Variants in PTPRT observed in about 807,000 individuals in gnomAD.
PTPRT encodes protein tyrosine phosphatase receptor type T.
In PTPRT, 56 loss-of-function variants were observed where a neutral mutation model predicts 176.8. That is an observed-to-expected ratio of 0.32 (90% confidence interval 0.26 to 0.40). The LOEUF is 0.40. PTPRT is among the 10% of genes least tolerant of loss of function. The pLI is 1.00. For missense variants in PTPRT, 1,540 were observed against 1,908.2 expected, an observed-to-expected ratio of 0.81 and a Z score of 3.60; for synonymous variants, 783 against 739.0, an observed-to-expected ratio of 1.06 and a Z score of -0.96.
chr20:42,166,646 C>T (rs1299392283), intron 16 of PTPRT, among the ~76,000 whole-genome samples: 7 of 152,194 alleles, frequency 4.6e-5, no homozygotes, highest in East Asian at 1.9e-4. Flanking sequence ...GGGCCAGGTG[C>T]GGTGGTTCAT....
intron 7 of PTPRT, among the ~76,000 whole-genome samples, chr20:42,654,329 AC>A (rs2075085373): frequency 6.6e-6 from 1 of 151,206 alleles, no homozygotes; most frequent in South Asian, 2.1e-4. Context: ...GATGAAGAAA[AC>A]AAAAAACAAA....
rs553159046 is a variant in PTPRT at position 42,095,791 on chromosome 20, C to T, written c.3846+2630G>A. 4.8e-4 allele frequency among the ~76,000 whole-genome samples: 73 copies of T among 152,298 alleles called. 1 individual carries two copies. In the Middle Eastern group the frequency reaches 0.017, roughly 35 times the overall value. On this transcript the variant is annotated intron_variant, in intron 27 of 30. Coordinates refer to ENST00000373187, the MANE Select transcript of PTPRT (RefSeq NM_007050.6). ...GCTTTGTCTGTGTTGCTCAGTGATGCATTCCAAGCACCTAGAATAGCTTCC... is the reference window on the plus strand; with the variant it reads ...GCTTTGTCTGTGTTGCTCAGTGATGTATTCCAAGCACCTAGAATAGCTTCC...
intron 10 of PTPRT, among the ~76,000 whole-genome samples, chr20:42,351,292 C>T (rs2058280086): frequency 2.0e-5 from 3 of 152,104 alleles, no homozygotes; most frequent in Admixed American, 6.5e-5. Context: ...ATAATCCAAA[C>T]CAATGAATTA....
At chr20:43,115,168 G>T (rs576030360) in intron 1 of PTPRT, among the ~76,000 whole-genome samples, 13 of 152,210 alleles carry the variant, frequency 8.5e-5, no homozygotes, top group African/African-American at 3.1e-4. Flanking sequence ...CTCTGAGAAG[G>T]ACATGGCCTC....
chr20:42,301,946 G>A (rs933475232), intron 12 of PTPRT, among the ~76,000 whole-genome samples: 5 of 152,208 alleles, frequency 3.3e-5, no homozygotes, highest in Admixed American at 3.3e-4. Context: ...ACTTTTGTAT[G>A]TGTGAAACGT....
chr20:42,850,374 G>C (rs2078447196), intron 2 of PTPRT, among the ~76,000 whole-genome samples: 1 of 152,186 alleles, frequency 6.6e-6, no homozygotes. Context: ...TACTAACTCT[G>C]TCATTTTAAC....
chr20:42,498,798 A>G (rs556057986), intron 7 of PTPRT, among the ~76,000 whole-genome samples: 3 of 152,200 alleles, frequency 2.0e-5, no homozygotes, highest in Admixed American at 6.5e-5. Context: ...CCAATTGCCA[A>G]TCAGGAAATC....
chr20:42,419,759 C>A (rs548047571), intron 9 of PTPRT, among the ~76,000 whole-genome samples: 1 of 152,250 alleles, frequency 6.6e-6, no homozygotes, highest in South Asian at 2.1e-4. Context: ...TGTGAAGTGA[C>A]CTTATTTGAA....
At chr20:43,065,349 C>T (rs551824802) in intron 1 of PTPRT, among the ~76,000 whole-genome samples, 1 of 152,292 alleles carries the variant, frequency 6.6e-6, no homozygotes, top group South Asian at 2.1e-4. Context: ...TTTACAAGAG[C>T]CAGGCCTGAA....
intron 9 of PTPRT, among the ~76,000 whole-genome samples, chr20:42,358,211 T>G (rs1020422736): frequency 6.6e-6 from 1 of 150,906 alleles, no homozygotes; most frequent in African/African-American, 2.5e-5. Context: ...GGTATAAAAC[T>G]CTCTCTTTTT....
intron 15 of PTPRT, among the ~76,000 whole-genome samples, chr20:42,231,023 C>A (rs1028625669): frequency 1.3e-5 from 2 of 152,200 alleles, no homozygotes; most frequent in Non-Finnish European, 2.9e-5. Context: ...CTCCTCTCAA[C>A]ATGTTGCCTG....
chr20:43,046,177 T>C (rs1986830051), intron 1 of PTPRT, among the ~76,000 whole-genome samples: 1 of 152,072 alleles, frequency 6.6e-6, no homozygotes, highest in Non-Finnish European at 1.5e-5. Flanking sequence ...ACAATCACTG[T>C]AGTTGGCAAC....
chr20:42,577,313 C>T (rs1351007740), intron 7 of PTPRT, among the ~76,000 whole-genome samples: 1 of 152,136 alleles, frequency 6.6e-6, no homozygotes, highest in Non-Finnish European at 1.5e-5. Flanking sequence ...CCAGTTTTGG[C>T]CACACCTCTG....
At position 42,108,926 on chromosome 20, in the gene PTPRT, C is replaced by CAA. The variant is rs777413006; in HGVS notation, c.3254+1405_3254+1406dup. 5.3e-4 allele frequency among the ~76,000 whole-genome samples: 81 copies of CAA among 152,332 alleles called. 1 individual carries two copies. The highest frequency in any genetic ancestry group is 5.9e-4 in the Non-Finnish European group (40 of 68,030). On this transcript the variant is annotated intron_variant, in intron 23 of 30. Transcript: ENST00000373187. ...CATGCGCCGAAGTCCTGATGATAAA[C>CAA]AAACATTTGCCATTGTCTTTCTTTC... is the stretch of plus-strand genomic sequence containing the variant.
chr20:43,020,300 G>GA (rs1568737218), intron 1 of PTPRT, among the ~76,000 whole-genome samples: 1 of 150,056 alleles, frequency 6.7e-6, no homozygotes, highest in East Asian at 1.9e-4. Flanking sequence ...ATATTCAAAA[G>GA]AAAAAAATGT....
intron 15 of PTPRT, among the ~76,000 whole-genome samples, chr20:42,200,725 T>A (rs909905616): frequency 1.3e-5 from 2 of 152,204 alleles, no homozygotes; most frequent in African/African-American, 4.8e-5. Context: ...CCAACATATA[T>A]GCATCGAAAT....
intron 15 of PTPRT, among the ~76,000 whole-genome samples, chr20:42,235,539 G>A (rs751049441): frequency 1.1e-4 from 16 of 152,082 alleles, no homozygotes; most frequent in Non-Finnish European, 1.8e-4. Flanking sequence ...GATTATAGGC[G>A]TGAGCCACCG....
intron 2 of PTPRT, among the ~76,000 whole-genome samples, chr20:42,802,958 T>C (rs189525834): frequency 6.6e-6 from 1 of 152,258 alleles, no homozygotes; most frequent in African/African-American, 2.4e-5. Flanking sequence ...TGTGTCTGTA[T>C]GTTACACGCT....
chr20:42,482,174 C>T (rs115368554), intron 7 of PTPRT, among the ~76,000 whole-genome samples: 71 of 151,832 alleles, frequency 4.7e-4, no homozygotes, highest in African/African-American at 1.6e-3. Context: ...GAAAAGGGAG[C>T]GGGAAGATTA....
Sources: gnomAD v4.1 joint callset for allele counts (sites outside exome capture counted in the v4.1 genomes callset) on GRCh38, gnomAD v4.1.1 for gene constraint, MANE v1.5 for transcripts, NCBI Gene and HGNC (gene_info 2026-07-23, HGNC 2026-07-21) for gene names.